USP32: variants seen among roughly 807,000 people sequenced by gnomAD.
USP32 encodes the protein ubiquitin carboxyl-terminal hydrolase 32.
A neutral mutation model predicts 204.8 loss-of-function variants in USP32; 59 were observed. The observed-to-expected ratio is 0.29, with a 90% CI of 0.23 to 0.36. The LOEUF (loss-of-function observed/expected upper bound fraction) is 0.36. Ranked by LOEUF, USP32 falls within the 10% of genes least tolerant of loss-of-function variation. The pLI is 1.00. For synonymous variants in USP32, 517 were observed against 678.4 expected (o/e 0.76, Z 3.70); for missense variants, 1,160 against 1,946.4 (o/e 0.60, Z 7.60).
At chr17:60,233,740 A>C (rs1011104702) in intron 12 of USP32, among the ~76,000 whole-genome samples, 1 of 152,026 alleles carries the variant, frequency 6.6e-6, no homozygotes, top group Non-Finnish European at 1.5e-5. Context: ...CATTTCCCCC[A>C]CCTTATTAAT....
chr17:60,182,716 T>G (rs747709282), intron 31 of USP32, among the ~76,000 whole-genome samples: 1 of 151,996 alleles, frequency 6.6e-6, no homozygotes, highest in Admixed American at 6.6e-5. Context: ...TGAGCTGTGA[T>G]CTGTGTTGCA....
At chr17:60,265,365 T>C in intron 9 of USP32, 47 bp downstream of exon 9, 1 of 1,302,296 alleles carries the variant, frequency 7.7e-7, no homozygotes, top group Non-Finnish European at 1.1e-6. Context: ...CCAAATGGAG[T>C]ACATGATATT....
chr17:60,187,680 A>G (rs1416810900), intron 29 of USP32, among the ~76,000 whole-genome samples: 1 of 152,270 alleles, frequency 6.6e-6, no homozygotes. Flanking sequence ...TGCTAGATGA[A>G]GACAGGAAAG....
At chr17:60,221,390 G>A (rs116013302) in intron 15 of USP32, among the ~76,000 whole-genome samples, 304 of 151,996 alleles carry the variant, frequency 2.0e-3, no homozygotes, top group African/African-American at 7.0e-3. Context: ...ACATTAGTCT[G>A]TTTTATAACA....
At chr17:60,291,591 C>T (rs1351115703) in intron 4 of USP32, among the ~76,000 whole-genome samples, 2 of 151,218 alleles carry the variant, frequency 1.3e-5, no homozygotes, top group Non-Finnish European at 2.9e-5. Context: ...AAAAACAACA[C>T]AAAGCATTGT....
At chr17:60,376,673 G>GC (rs2089549580) in intron 1 of USP32, among the ~76,000 whole-genome samples, 1 of 151,792 alleles carries the variant, frequency 6.6e-6, no homozygotes. Flanking sequence ...ACAGGTGCCT[G>GC]CCATCACGCC....
At chr17:60,403,664 G>A (rs1384677730) in intron 1 of USP32, among the ~76,000 whole-genome samples, 2 of 152,134 alleles carry the variant, frequency 1.3e-5, no homozygotes, top group Admixed American at 6.6e-5. Context: ...AAAGGGGGTC[G>A]TGATGTATTG....
At chr17:60,298,292 A>G (rs1028502586) in intron 3 of USP32, among the ~76,000 whole-genome samples, 2 of 152,196 alleles carry the variant, frequency 1.3e-5, no homozygotes, top group Non-Finnish European at 2.9e-5. Context: ...TCCCTTGCAC[A>G]GTACCTGTTT....
chr17:60,219,228 A>G (rs1282380408), intron 16 of USP32, among the ~76,000 whole-genome samples: 1 of 152,238 alleles, frequency 6.6e-6, no homozygotes. Flanking sequence ...AAAAGATGAT[A>G]GTATAAGAGG....
intron 2 of USP32, among the ~76,000 whole-genome samples, chr17:60,309,992 C>T (rs929818226): frequency 4.6e-5 from 7 of 151,394 alleles, no homozygotes; most frequent in East Asian, 3.9e-4. Flanking sequence ...TGCAGTGAGC[C>T]GAGATTGTGC....
intron 25 of USP32, among the ~76,000 whole-genome samples, chr17:60,205,917 A>G (rs893264673): frequency 1.3e-5 from 2 of 152,248 alleles, no homozygotes; most frequent in Admixed American, 6.5e-5. Context: ...AACCTGTATC[A>G]GCACCATGTT....
rs753868123 is a variant in USP32, at chr17:60,391,873, C to G, written c.58+9G>C. ...CCCAGGCAGCTCGCCCAGACCCCTC[C>G]CCCCTCACCTCTCCTCAGCGCCTCC... On this transcript the variant is annotated intron_variant, in intron 1 of 33. Transcript: ENST00000300896. 1 of 1,607,762 alleles carries G rather than the reference C, an allele frequency of 6.2e-7. No individual in the cohort carries two copies. The highest frequency in any genetic ancestry group is 8.5e-7 in the Non-Finnish European group (1 of 1,177,362).
At chr17:60,222,761 A>G (rs958603432) in intron 14 of USP32, among the ~76,000 whole-genome samples, 1 of 143,252 alleles carries the variant, frequency 7.0e-6, no homozygotes, top group East Asian at 2.0e-4. Flanking sequence ...CGCTTGCTGC[A>G]GCCTCCGCCT....
intron 7 of USP32, 136 bp downstream of exon 7, chr17:60,269,314 A>G: frequency 1.5e-6 from 1 of 660,166 alleles, no homozygotes; most frequent in East Asian, 3.0e-5. Flanking sequence ...GTAAAACCCT[A>G]ACATGAGATT....
intron 11 of USP32, among the ~76,000 whole-genome samples, chr17:60,241,376 G>C (rs1212615170): frequency 6.6e-6 from 1 of 152,128 alleles, no homozygotes; most frequent in Admixed American, 6.6e-5. Flanking sequence ...CATTTTCAAG[G>C]CTGCCATTAC....
chr17:60,235,952 A>G (rs2085712874), intron 12 of USP32, among the ~76,000 whole-genome samples, 186 bp downstream of exon 12: 1 of 152,230 alleles, frequency 6.6e-6, no homozygotes, highest in African/African-American at 2.4e-5. Context: ...TGTATGTGGA[A>G]GTGTAATCAC....
At chr17:60,245,294 A>ATT (rs2085987614) in intron 11 of USP32, 1 of 302,382 alleles carries the variant, frequency 3.3e-6, no homozygotes, top group African/African-American at 2.3e-5. Context: ...CTGTCTATTC[A>ATT]TTTTCTTCAC....
intron 14 of USP32, 151 bp from the exon 15 acceptor site, chr17:60,222,700 G>C (rs990189773): frequency 6.5e-6 from 3 of 463,378 alleles, no homozygotes; most frequent in Non-Finnish European, 1.0e-5. Flanking sequence ...TTTTTTTTTT[G>C]AGACGGGGTC....
At chr17:60,218,265 T>A (rs1208109646) in intron 16 of USP32, among the ~76,000 whole-genome samples, 2 of 151,906 alleles carry the variant, frequency 1.3e-5, no homozygotes. Context: ...GCGCCTGTAG[T>A]CCCAGCTACT....
Sources: allele counts gnomAD v4.1 joint callset (sites outside exome capture counted in the v4.1 genomes callset), GRCh38; gene constraint gnomAD v4.1.1; transcripts MANE v1.5; gene names NCBI Gene and HGNC (gene_info 2026-07-23, HGNC 2026-07-21).